The following ATP13A3 variants were observed in gnomAD, a reference collection of about 807,000 sequenced individuals.
The protein encoded by ATP13A3 is polyamine-transporting ATPase 13A3.
ATP13A3 carries 59 observed loss-of-function variants against 158.1 expected under a neutral mutation model. That is an observed-to-expected ratio of 0.37 (90% confidence interval 0.30 to 0.46). The LOEUF (loss-of-function observed/expected upper bound fraction) is 0.46, where lower values mean the gene tolerates loss of function less well. ATP13A3 is among the 20% of genes least tolerant of loss of function. ATP13A3 has a pLI of 1.00. For missense variants in ATP13A3, 1,166 were observed against 1,525.2 expected, an observed-to-expected ratio of 0.76 and a Z score of 3.92; for synonymous variants, 491 against 504.3, an observed-to-expected ratio of 0.97 and a Z score of 0.35.
rs1714731206 is a variant in ATP13A3, at chr3:194,403,250, T to C, written c.*2669A>G. Reference sequence around the variant, plus strand: ...GAGTAAAAACTGCAACAGTTTTGTTTAGATGCAAGTGCAATTGGGAAAGCT... The same window carrying C: ...GAGTAAAAACTGCAACAGTTTTGTTCAGATGCAAGTGCAATTGGGAAAGCT... On this transcript the variant is annotated 3_prime_UTR_variant, in exon 34 of 34. Coordinates refer to ENST00000645319, the MANE Select transcript of ATP13A3 (RefSeq NM_001367549.1). 6.6e-6 allele frequency: 1 copy of C among 152,238 alleles called. No homozygotes were observed. Among genetic ancestry groups the C allele is most frequent in the African/African-American group, 2.4e-5 (1 of 41,460 alleles). The allele number at this position is 152,238 out of a possible 1,614,324, so 9.4% of individuals were successfully genotyped here.
intron 15 of ATP13A3, among the ~76,000 whole-genome samples, chr3:194,444,163 T>C (rs1380160986): frequency 6.6e-6 from 1 of 152,224 alleles, no homozygotes; most frequent in African/African-American, 2.4e-5. Flanking sequence ...CCTTTCCATT[T>C]ACAGGGATCT....
intron 21 of ATP13A3, among the ~76,000 whole-genome samples, 168 bp downstream of exon 21, chr3:194,433,604 T>C (rs955859472): frequency 2.0e-4 from 30 of 152,338 alleles, no homozygotes; most frequent in Admixed American, 2.6e-4. Flanking sequence ...AAAAAGAATA[T>C]GACAAAGTTA....
At position 194,428,320 on chromosome 3, in the gene ATP13A3, A is replaced by C. The variant is rs551290153; in HGVS notation, c.2947+525T>G. ...TGAGACTGTGAAAATCCTGCTCCTCATCAAACTTTCACTAGTTTTATCATC... is the reference window on the plus strand; with the variant it reads ...TGAGACTGTGAAAATCCTGCTCCTCCTCAAACTTTCACTAGTTTTATCATC... On this transcript the variant is annotated intron_variant, in intron 28 of 33. Transcript: ENST00000645319. Among the ~76,000 whole-genome samples the C allele has an allele frequency of 1.5e-4, 23 of 152,220 alleles. No homozygotes were observed. In the South Asian group the frequency reaches 4.1e-3, roughly 27 times the overall value.
chr3:194,456,316 T>C (rs1719220654), intron 7 of ATP13A3, among the ~76,000 whole-genome samples: 1 of 144,412 alleles, frequency 6.9e-6, no homozygotes, highest in Non-Finnish European at 1.5e-5. Flanking sequence ...CCAAATAAAT[T>C]TGAGGGATCT....
intron 7 of ATP13A3, 90 bp from the exon 8 acceptor site, chr3:194,456,052 A>G: frequency 2.8e-6 from 2 of 708,862 alleles, no homozygotes; most frequent in Non-Finnish European, 4.5e-6. Context: ...CTTAAACCAC[A>G]GACTGTTCTT....
rs71179358 is a variant in ATP13A3 at position 194,409,693 on chromosome 3, A to ATTTTTTTTTT, written c.3573+2496_3573+2505dup. On this transcript the variant is annotated intron_variant, in intron 33 of 33. Transcript: ENST00000645319. ...TGCTTGATAATCACTGACGTAAAGA[A>ATTTTTTTTTT]TTTTTTTTTTTTTTTTTTTTTTTTT... Among the ~76,000 whole-genome samples the ATTTTTTTTTT allele has an allele frequency of 3.0e-3, 284 of 93,966 alleles. 36 individuals are homozygous for ATTTTTTTTTT. The highest frequency in any genetic ancestry group is 0.011 in the African/African-American group (226 of 20,324). 61.6% of individuals were successfully genotyped at this position (93,966 alleles called of 152,430 possible). A position where few individuals can be genotyped will look rare whatever the true frequency, so the allele number is the denominator to read the frequency against.
chr3:194,446,570 A>G (rs1049264404), intron 14 of ATP13A3, among the ~76,000 whole-genome samples: 7 of 152,302 alleles, frequency 4.6e-5, no homozygotes, highest in Admixed American at 1.3e-4. Flanking sequence ...TGTATAGCTC[A>G]TATTTATTTC....
chr3:194,427,747 T>C (rs1193751269), intron 28 of ATP13A3, among the ~76,000 whole-genome samples: 2 of 151,874 alleles, frequency 1.3e-5, no homozygotes, highest in Non-Finnish European at 2.9e-5. Flanking sequence ...AATCATCTCA[T>C]ATATTTAAGA....
chr3:194,454,888 T>C (rs1025391039), intron 8 of ATP13A3, among the ~76,000 whole-genome samples: 3 of 151,858 alleles, frequency 2.0e-5, no homozygotes, highest in Non-Finnish European at 4.4e-5. Context: ...AATACTAGAA[T>C]TTGGCTAAAT....
chr3:194,431,030 C>T lies in ATP13A3; in HGVS notation c.2545-8G>A. On this transcript the variant is annotated splice_polypyrimidine_tract_variant and splice_region_variant and intron_variant, in intron 23 of 33. Coordinates refer to ENST00000645319, the MANE Select transcript of ATP13A3 (RefSeq NM_001367549.1). ...GGTGCCATGCAACATCAACTGGAAA[C>T]AATAATACAAATTTTTTTAAAATAC... 6.2e-7 allele frequency: 1 copy of T among 1,613,426 alleles called. No individual in the cohort carries two copies. The highest frequency in any genetic ancestry group is 8.5e-7 in the Non-Finnish European group (1 of 1,179,574).
chr3:194,409,482 C>A (rs1449978624), intron 33 of ATP13A3, among the ~76,000 whole-genome samples: 1 of 152,018 alleles, frequency 6.6e-6, no homozygotes, highest in Non-Finnish European at 1.5e-5. Context: ...GATTCTAGTT[C>A]CACTACTAAG....
chr3:194,464,440 C>T (rs1264973167), intron 2 of ATP13A3, among the ~76,000 whole-genome samples: 1 of 152,124 alleles, frequency 6.6e-6, no homozygotes, highest in African/African-American at 2.4e-5. Context: ...AGCATATTAC[C>T]AGAGTTATTC....
chr3:194,491,067 C>A (rs1370104427), upstream of ATP13A3, among the ~76,000 whole-genome samples: 1 of 152,168 alleles, frequency 6.6e-6, no homozygotes, highest in Non-Finnish European at 1.5e-5. Context: ...TCACTTGAAC[C>A]CAGGAGGCAG....
intron 17 of ATP13A3, 138 bp from the exon 18 acceptor site, chr3:194,437,711 A>G: frequency 1.1e-6 from 1 of 880,398 alleles, no homozygotes; most frequent in South Asian, 1.8e-5. Flanking sequence ...TCAGGATTCA[A>G]GATTCCTTCT....
rs896232842 is a variant in ATP13A3 at position 194,404,239 on chromosome 3, T to C, written c.*1680A>G. ...ACTGTTATCATCTAATGTGTATTAA[T>C]AGCATATTATACATTTGATGGAAAA... On this transcript the variant is annotated 3_prime_UTR_variant, in exon 34 of 34. Coordinates refer to ENST00000645319, the MANE Select transcript of ATP13A3 (RefSeq NM_001367549.1). 9 of 373,014 alleles carry C rather than the reference T, an allele frequency of 2.4e-5. No individual in the cohort carries two copies. Among genetic ancestry groups the C allele is most frequent in the Admixed American group, 8.4e-5 (2 of 23,950 alleles). The allele number at this position is 373,014 out of a possible 1,614,324, so 23.1% of individuals were successfully genotyped here.
rs1270099492 is a variant in ATP13A3, at chr3:194,419,934, A to C, written c.3347T>G (p.Ile1116Ser). ...ATACAACATGATGAATAATATAAAA[A>C]TATATAAAAAAATCACAGAAAAAAC... ...FFVFSVIFLY[I>S]FILFIMLYPV... Residue 1116 changes from isoleucine to serine, a missense_variant, in exon 31 of 34, where the codon ATT (isoleucine) becomes AGT (serine). Ile to Ser is a moderately radical substitution (Grantham distance 142). Transcript: ENST00000645319. 6.5e-7 allele frequency: 1 copy of C among 1,538,964 alleles called. No homozygotes were observed. The highest frequency in any genetic ancestry group is 8.7e-7 in the Non-Finnish European group (1 of 1,152,504).
At position 194,409,183 on chromosome 3, in the gene ATP13A3, C is replaced by T. The variant is rs546438434; in HGVS notation, c.3573+3016G>A. On this transcript the variant is annotated intron_variant, in intron 33 of 33. Transcript: ENST00000645319. Reference sequence around the variant, plus strand: ...ATGTCAAGTTTACGCTTAGCAATGTCTTTTAGGAAATGTTTTCATGGGCAG... The same window carrying T: ...ATGTCAAGTTTACGCTTAGCAATGTTTTTTAGGAAATGTTTTCATGGGCAG... 4.6e-5 allele frequency among the ~76,000 whole-genome samples: 7 copies of T among 152,262 alleles called. No homozygotes were observed. In the South Asian group the frequency reaches 1.4e-3, roughly 32 times the overall value.
intron 2 of ATP13A3, among the ~76,000 whole-genome samples, chr3:194,471,005 G>A (rs1251399303): frequency 7.9e-5 from 12 of 152,172 alleles, no homozygotes; most frequent in Non-Finnish European, 5.9e-5. Flanking sequence ...GTGGGAGTGA[G>A]GAAGAGACAC....
chr3:194,418,492 C>T (rs1716055652), intron 31 of ATP13A3, among the ~76,000 whole-genome samples: 1 of 151,464 alleles, frequency 6.6e-6, no homozygotes, highest in South Asian at 2.1e-4. Flanking sequence ...AAGACAACAT[C>T]CTAGAAAAAA....
Sources: gnomAD v4.1 joint callset for allele counts (sites outside exome capture counted in the v4.1 genomes callset) on GRCh38, gnomAD v4.1.1 for gene constraint, MANE v1.5 for transcripts, NCBI Gene and HGNC (gene_info 2026-07-23, HGNC 2026-07-21) for gene names.